SYT16: variants seen among roughly 807,000 people sequenced by gnomAD.
SYT16 encodes synaptotagmin-16.
SYT16 carries 42 observed loss-of-function variants against 61.4 expected under a neutral mutation model. That is an observed-to-expected ratio of 0.68 (90% CI 0.53 to 0.89). The LOEUF (loss-of-function observed/expected upper bound fraction) is 0.89, where lower values mean the gene tolerates loss of function less well. SYT16 is among the 40% of genes least tolerant of loss of function. SYT16 has a pLI of 0.00. For synonymous variants in SYT16, 314 were observed against 302.3 expected (o/e 1.04, Z -0.40); for missense variants, 804 against 807.3 (o/e 1.00, Z 0.05).
At chr14:62,057,033 C>T (rs1345736631) in intron 3 of SYT16, among the ~76,000 whole-genome samples, 1 of 152,164 alleles carries the variant, frequency 6.6e-6, no homozygotes, top group African/African-American at 2.4e-5. Context: ...GAGGAGGACA[C>T]TGCGGTCGCA....
At chr14:62,007,816 T>G (rs186838928) in intron 3 of SYT16, among the ~76,000 whole-genome samples, 1 of 152,070 alleles carries the variant, frequency 6.6e-6, no homozygotes, top group Non-Finnish European at 1.5e-5. Flanking sequence ...TTAGAGGAAT[T>G]AGAGGCAAGT....
chr14:61,917,656 T>G (rs892802131), intron 1 of SYT16, among the ~76,000 whole-genome samples: 2 of 152,078 alleles, frequency 1.3e-5, no homozygotes, highest in East Asian at 3.9e-4. Flanking sequence ...AACCACTTTT[T>G]TTTTGCTTAA....
intron 5 of SYT16, among the ~76,000 whole-genome samples, chr14:62,078,151 C>CTATATATA (rs1427469359): frequency 1.1e-4 from 12 of 106,364 alleles, no homozygotes; most frequent in African/African-American, 3.9e-4. Context: ...CTCTCTCTCT[C>CTATATATA]TCTCTATATA....
chr14:62,075,337 C>G lies in SYT16; in HGVS notation c.939C>G (p.Ser313Arg). 1 of 1,613,762 alleles carries G rather than the reference C, an allele frequency of 6.2e-7. No individual in the cohort carries two copies. The highest frequency in any genetic ancestry group is 8.5e-7 in the Non-Finnish European group (1 of 1,179,798). Residue 313 changes from serine (S) to arginine (R), a missense_variant, in exon 5 of 8, where the codon AGC (serine) becomes AGG (arginine). Physicochemically the swap from Ser to Arg is moderately radical, Grantham distance 110. Transcript: ENST00000683842. ...GSLEMETAFNSRGFEDSYATD... is the reference protein window; with the variant it reads ...GSLEMETAFNRRGFEDSYATD... ...TGGAGATGGAGACAGCTTTTAATAG[C>G]CGGGGATTTGAAGATTCCTATGCCA...
At chr14:62,052,755 G>C (rs1042151698) in intron 3 of SYT16, among the ~76,000 whole-genome samples, 2 of 152,220 alleles carry the variant, frequency 1.3e-5, no homozygotes, top group Non-Finnish European at 2.9e-5. Context: ...AAGGGAGTTA[G>C]TGAGCTCTCT....
chr14:62,082,615 T>C (rs2056748244), intron 6 of SYT16, among the ~76,000 whole-genome samples: 1 of 152,222 alleles, frequency 6.6e-6, no homozygotes, highest in Non-Finnish European at 1.5e-5. Context: ...TTTAAAGTTA[T>C]AAGCCAGATG....
At chr14:61,957,052 A>G (rs2140490577) in intron 1 of SYT16, among the ~76,000 whole-genome samples, 2 of 151,726 alleles carry the variant, frequency 1.3e-5, no homozygotes, top group South Asian at 4.1e-4. Context: ...TAAGTATTTT[A>G]TTCTTTTTGA....
At chr14:62,016,539 C>CAAAAAAAA (rs10610233) in intron 3 of SYT16, among the ~76,000 whole-genome samples, 342 of 97,158 alleles carry the variant, frequency 3.5e-3, no homozygotes, top group Non-Finnish European at 4.7e-3. Flanking sequence ...TCTAAAAATA[C>CAAAAAAAA]AAAAAAAAAA....
chr14:61,822,639 G>A (rs985148474), intron 1 of SYT16, among the ~76,000 whole-genome samples: 1 of 152,226 alleles, frequency 6.6e-6, no homozygotes, highest in Non-Finnish European at 1.5e-5. Context: ...TGGTGTTTGA[G>A]CTGCTATTGG....
intron 1 of SYT16, among the ~76,000 whole-genome samples, chr14:61,917,191 C>T (rs1439346743): frequency 6.6e-6 from 1 of 152,118 alleles, no homozygotes; most frequent in Admixed American, 6.6e-5. Context: ...TTTGTGATCC[C>T]AACAAGTGAA....
chr14:61,852,410 T>C (rs2046644377), intron 1 of SYT16, among the ~76,000 whole-genome samples: 1 of 152,228 alleles, frequency 6.6e-6, no homozygotes, highest in Non-Finnish European at 1.5e-5. Context: ...AGGCTCTTTT[T>C]GGTTCCATTT....
At chr14:61,983,350 G>T (rs1022659742) in intron 2 of SYT16, among the ~76,000 whole-genome samples, 26 of 152,146 alleles carry the variant, frequency 1.7e-4, no homozygotes, top group Non-Finnish European at 5.9e-5. Context: ...ATAATGGCAA[G>T]CTTGTGTTAT....
At chr14:61,931,567 C>G (rs1245754883) in intron 1 of SYT16, among the ~76,000 whole-genome samples, 1 of 152,088 alleles carries the variant, frequency 6.6e-6, no homozygotes, top group Non-Finnish European at 1.5e-5. Flanking sequence ...TATAGTAGTA[C>G]AAAAGTTTTT....
At position 62,111,164 on chromosome 14, in the gene SYT16, A is replaced by G. The variant is rs1440016462; in HGVS notation, c.*10457A>G. On this transcript the variant is annotated 3_prime_UTR_variant, in exon 8 of 8. Transcript: ENST00000683842. ...CACACATTTATGTTTCACCATATGC[A>G]TACTGTGTACAGCTCTGTTGTTCTA... is the stretch of plus-strand genomic sequence containing the variant. 2.6e-5 allele frequency: 4 copies of G among 152,098 alleles called. No homozygotes were observed. Among genetic ancestry groups the G allele is most frequent in the Non-Finnish European group, 5.9e-5 (4 of 67,962 alleles). 9.4% of individuals were successfully genotyped at this position (152,098 alleles called of 1,614,324 possible). A position where few individuals can be genotyped will look rare whatever the true frequency, so the allele number is the denominator to read the frequency against.
chr14:61,945,947 A>G (rs2050417383), intron 1 of SYT16, among the ~76,000 whole-genome samples: 2 of 151,956 alleles, frequency 1.3e-5, no homozygotes, highest in African/African-American at 4.8e-5. Context: ...TTCTCAGCAA[A>G]CTAACACATG....
At chr14:62,068,112 A>G (rs2056138373) in intron 3 of SYT16, among the ~76,000 whole-genome samples, 1 of 152,258 alleles carries the variant, frequency 6.6e-6, no homozygotes, top group Non-Finnish European at 1.5e-5. Flanking sequence ...TCACTGCAGC[A>G]TTATTCACAA....
At chr14:62,011,926 C>CACACATATATAT (rs1555370087) in intron 3 of SYT16, among the ~76,000 whole-genome samples, 2 of 132,820 alleles carry the variant, frequency 1.5e-5, no homozygotes, top group South Asian at 4.6e-4. Flanking sequence ...CACACACACA[C>CACACATATATAT]ATATATATAT....
chr14:62,066,402 A>G (rs2056062544), intron 3 of SYT16, among the ~76,000 whole-genome samples: 1 of 152,200 alleles, frequency 6.6e-6, no homozygotes, highest in African/African-American at 2.4e-5. Context: ...AAAAATGGAA[A>G]TAGTTGTAAA....
At chr14:61,859,298 A>G (rs919611772) in intron 1 of SYT16, among the ~76,000 whole-genome samples, 2 of 152,156 alleles carry the variant, frequency 1.3e-5, no homozygotes, top group African/African-American at 4.8e-5. Context: ...TTTAGGTGCC[A>G]GCCATGTGTA....
Sources: allele counts gnomAD v4.1 joint callset (sites outside exome capture counted in the v4.1 genomes callset), GRCh38; gene constraint gnomAD v4.1.1; transcripts MANE v1.5; gene names NCBI Gene and HGNC (gene_info 2026-07-23, HGNC 2026-07-21).